The following ACOX3 variants were observed in gnomAD, a reference collection of about 807,000 sequenced individuals.
ACOX3 encodes acyl-CoA oxidase 3, pristanoyl, also known as peroxisomal acyl-coenzyme A oxidase 3.
A neutral mutation model predicts 81.5 loss-of-function variants in ACOX3; 73 were observed. That is an observed-to-expected ratio of 0.90 (90% CI 0.74 to 1.09). ACOX3 has a LOEUF of 1.09. Among genes scored for constraint, ACOX3 ranks in the 50% least tolerant of loss-of-function variants. The pLI is 0.00. For synonymous variants in ACOX3, 387 were observed against 375.1 expected (o/e 1.03, Z -0.37); for missense variants, 947 against 928.0 (o/e 1.02, Z -0.27).
the ACOX3 span, among the ~76,000 whole-genome samples, chr4:8,360,474 T>A: frequency 8.6e-5 from 1 of 11,578 alleles, no homozygotes; most frequent in Non-Finnish European, 1.6e-4. Flanking sequence ...TTCTTTGACT[T>A]TTTTTTTTTT....
At position 8,405,860 on chromosome 4, in the gene ACOX3, T is replaced by G; in HGVS notation, c.776+95A>C. 8.0e-7 allele frequency: 1 copy of G among 1,247,144 alleles called. No individual in the cohort carries two copies. Among genetic ancestry groups the G allele is most frequent in the Non-Finnish European group, 1.2e-6 (1 of 849,508 alleles). 77.3% of individuals were successfully genotyped at this position (1,247,144 alleles called of 1,614,324 possible). A position where few individuals can be genotyped will look rare whatever the true frequency, so the allele number is the denominator to read the frequency against. On this transcript the variant is annotated intron_variant, in intron 7 of 17. Coordinates refer to ENST00000356406, the MANE Select transcript of ACOX3 (RefSeq NM_003501.3). This position sits in a 1 kb window ranked among gnomAD's most constrained non-coding sequence, Gnocchi z 7.1. Reference sequence around the variant, plus strand: ...CATTTGAGTCTAAGAGGGCAGGGCATGGCATCCATGGGGCCAGTGAGATCT... The same window carrying G: ...CATTTGAGTCTAAGAGGGCAGGGCAGGGCATCCATGGGGCCAGTGAGATCT...
chr4:8,377,579 T>C (rs1373041749), intron 14 of ACOX3, among the ~76,000 whole-genome samples: 1 of 152,222 alleles, frequency 6.6e-6, no homozygotes, highest in African/African-American at 2.4e-5. Flanking sequence ...CGATGGCAGC[T>C]CTACTGTACT....
intron 16 of ACOX3, 44 bp downstream of exon 16, chr4:8,373,517 T>C (rs1004667578): frequency 6.2e-7 from 1 of 1,604,818 alleles, no homozygotes; most frequent in Admixed American, 1.7e-5. Context: ...TCTGGGCGGT[T>C]GTGTAACATG....
At chr4:8,420,723 C>T (rs62286049) in intron 1 of ACOX3, among the ~76,000 whole-genome samples, 4,129 of 152,284 alleles carry the variant, frequency 0.027, 69 homozygotes, top group South Asian at 0.04. Context: ...TGTTCCAGCT[C>T]GAGCTGAGCT....
intron 14 of ACOX3, among the ~76,000 whole-genome samples, chr4:8,380,901 GCTGGGCTCTGCT>G (rs1446080008): frequency 6.6e-6 from 1 of 152,202 alleles, no homozygotes; most frequent in Admixed American, 6.5e-5. Context: ...CAGGGTGGGG[GCTGGGCTCTGCT>G]CTAGGGCAGA....
At chr4:8,362,721 G>C (rs1356323468), downstream of ACOX3, among the ~76,000 whole-genome samples, 4 of 152,210 alleles carry the variant, frequency 2.6e-5, no homozygotes, top group East Asian at 7.7e-4. Context: ...GACAGGTCCA[G>C]TAGCCCCAAG....
intron 1 of ACOX3, among the ~76,000 whole-genome samples, chr4:8,434,811 A>G (rs912106455): frequency 6.6e-6 from 1 of 152,236 alleles, no homozygotes; most frequent in Non-Finnish European, 1.5e-5. Context: ...CTTGATAAAC[A>G]GGCGTGCCTT....
In ACOX3 at chr4:8,370,675, C is replaced by T. The variant is rs1476889823; in HGVS notation, c.1983+233G>A. On this transcript the variant is annotated intron_variant, in intron 17 of 17. Transcript: ENST00000356406. The surrounding 1 kb of genome is among the most constrained non-coding windows in gnomAD (Gnocchi z 6.3). ...GGCGGGCAGTGCCACCACCCCATCT[C>T]GGGAGGAAAAGGCAGGCAGGGGATG... 1.3e-5 allele frequency among the ~76,000 whole-genome samples: 2 copies of T among 152,002 alleles called. No homozygotes were observed. Among genetic ancestry groups the T allele is most frequent in the African/African-American group, 4.8e-5 (2 of 41,368 alleles).
Position 8,440,691 on chromosome 4 carries a change from A to G in ACOX3, c.-58T>C. 1.7e-6 allele frequency: 2 copies of G among 1,163,014 alleles called. No individual in the cohort carries two copies. The highest frequency in any genetic ancestry group is 3.8e-5 in the South Asian group (2 of 52,592). The allele number at this position is 1,163,014 out of a possible 1,614,324, so 72.0% of individuals were successfully genotyped here. A position where few individuals can be genotyped will look rare whatever the true frequency, so the allele number is the denominator to read the frequency against. ...AACCCCTGCCAGGGAAACCAAAAGC[A>G]GGAAAGGATCTCCAGCGGCGCCATT... On this transcript the variant is annotated 5_prime_UTR_variant, in exon 1 of 18. Transcript: ENST00000356406.
chr4:8,412,411 A>AAAGAATGAATGGATGGATGG (rs1470492786), intron 5 of ACOX3, among the ~76,000 whole-genome samples: 16 of 150,862 alleles, frequency 1.1e-4, no homozygotes, highest in Non-Finnish European at 1.6e-4. Flanking sequence ...TGGATGGATG[A>AAAGAATGAATGGATGGATGG]AAGAATGAAT....
intron 1 of ACOX3, among the ~76,000 whole-genome samples, chr4:8,433,892 G>C (rs534359497): frequency 1.0e-3 from 152 of 152,262 alleles, no homozygotes; most frequent in Non-Finnish European, 1.7e-3. Context: ...GGGACATGTA[G>C]TAAGGAAGGA....
intron 1 of ACOX3, among the ~76,000 whole-genome samples, chr4:8,424,475 T>C (rs1723254756): frequency 6.6e-6 from 1 of 152,236 alleles, no homozygotes; most frequent in African/African-American, 2.4e-5. Context: ...ACTGATGTAG[T>C]GGCAAAGGGT....
Position 8,385,742 on chromosome 4 carries a change from C to T in ACOX3, c.1537+3431G>A, listed in dbSNP as rs1718223633. 6.6e-6 allele frequency among the ~76,000 whole-genome samples: 1 copy of T among 152,260 alleles called. No individual in the cohort carries two copies. Among genetic ancestry groups the T allele is most frequent in the African/African-American group, 2.4e-5 (1 of 41,468 alleles). On this transcript the variant is annotated intron_variant, in intron 13 of 17. Coordinates refer to ENST00000356406, the MANE Select transcript of ACOX3 (RefSeq NM_003501.3). This position sits in a 1 kb window ranked among gnomAD's most constrained non-coding sequence, Gnocchi z 5.5. ...GCGCAACCCCGGAAGGGGCCTGTGT[C>T]TCTCCAGTCCTGCAGAGCCTGAGGG...
Position 8,416,413 on chromosome 4 carries a change from G to A in ACOX3, c.109C>T (p.Leu37=). ...AGCATGCCCTCCCCTTCCGTGAACAGCGCCAGCTCCTTCCAGCTGAAGGAC... is the reference window on the plus strand; with the variant it reads ...AGCATGCCCTCCCCTTCCGTGAACAACGCCAGCTCCTTCCAGCTGAAGGAC... ...RASFSWKELA[L]FTEGEGMLRF... The change falls in exon 2 of 18, where the codon CTG becomes TTG. Residue 37 remains leucine, a synonymous_variant. Coordinates refer to ENST00000356406, the MANE Select transcript of ACOX3 (RefSeq NM_003501.3). This position sits in a 1 kb window ranked among gnomAD's most constrained non-coding sequence, Gnocchi z 4.2. 1 of 1,614,220 alleles carries A rather than the reference G, an allele frequency of 6.2e-7. No individual in the cohort carries two copies. The highest frequency in any genetic ancestry group is 1.1e-5 in the South Asian group (1 of 91,090).
At chr4:8,369,915 C>T (rs1220703765) in intron 17 of ACOX3, among the ~76,000 whole-genome samples, 4 of 152,188 alleles carry the variant, frequency 2.6e-5, no homozygotes, top group South Asian at 2.1e-4. Flanking sequence ...ATTGACACGC[C>T]GAGTCCCTCT....
chr4:8,377,304 G>C (rs934402225), intron 14 of ACOX3, among the ~76,000 whole-genome samples: 10 of 152,076 alleles, frequency 6.6e-5, no homozygotes, highest in African/African-American at 2.2e-4. Context: ...GAGCGGCACT[G>C]CTTCAGTGTT....
chr4:8,413,069 C>T (rs1721915122), intron 5 of ACOX3, among the ~76,000 whole-genome samples: 1 of 135,760 alleles, frequency 7.4e-6, no homozygotes, highest in African/African-American at 2.9e-5. Context: ...CTCCACCCCG[C>T]ACCCCTCCTC....
intron 1 of ACOX3, among the ~76,000 whole-genome samples, chr4:8,420,553 A>G (rs1722824839): frequency 6.6e-6 from 1 of 152,138 alleles, no homozygotes; most frequent in Non-Finnish European, 1.5e-5. Flanking sequence ...TAATTAAATC[A>G]CCTATCCCCT....
rs1175907707 is a variant in ACOX3, at chr4:8,399,013, T to A, written c.873+543A>T. Among the ~76,000 whole-genome samples the A allele has an allele frequency of 6.6e-6, 1 of 152,184 alleles. No individual in the cohort carries two copies. The highest frequency in any genetic ancestry group is 2.4e-5 in the African/African-American group (1 of 41,430). On this transcript the variant is annotated intron_variant, in intron 8 of 17. Transcript: ENST00000356406. This position sits in a 1 kb window ranked among gnomAD's most constrained non-coding sequence, Gnocchi z 4.9. Reference sequence around the variant, plus strand: ...ATCATGCTCCTTTTCCATCCGTGCTTCCTGATGTCAGATGCTGCATGCTGC... The same window carrying A: ...ATCATGCTCCTTTTCCATCCGTGCTACCTGATGTCAGATGCTGCATGCTGC...
Sources: gnomAD v4.1 joint callset for allele counts (sites outside exome capture counted in the v4.1 genomes callset) on GRCh38, gnomAD v4.1.1 for gene constraint, Gnocchi (gnomAD v3.1) non-coding constraint, MANE v1.5 for transcripts, NCBI Gene and HGNC (gene_info 2026-07-23, HGNC 2026-07-21) for gene names.